The following TRMT44 variants were observed in gnomAD, a reference collection of about 807,000 sequenced individuals.
TRMT44 encodes tRNA methyltransferase 44 homolog.
In TRMT44, 78 loss-of-function variants were observed where a neutral mutation model predicts 77.3. That is an observed-to-expected ratio of 1.01 (90% confidence interval 0.84 to 1.22). The LOEUF is 1.22. TRMT44 is among the 50% of genes most tolerant of loss of function. The pLI, the probability that TRMT44 is intolerant of heterozygous loss-of-function variation, is 0.00. For missense variants in TRMT44, 1,090 were observed against 964.4 expected, an observed-to-expected ratio of 1.13 and a Z score of -1.73; for synonymous variants, 391 against 383.3, an observed-to-expected ratio of 1.02 and a Z score of -0.23.
At chr4:8,474,847 C>T (rs779351980) in intron 10 of TRMT44, among the ~76,000 whole-genome samples, 4 of 152,114 alleles carry the variant, frequency 2.6e-5, no homozygotes, top group Admixed American at 6.5e-5. Context: ...GCGGCGGGGT[C>T]AGGAGGCAGC....
chr4:8,483,212 G>C (rs1422098210), intron 2 of TRMT44, among the ~76,000 whole-genome samples: 1 of 152,216 alleles, frequency 6.6e-6, no homozygotes, highest in Non-Finnish European at 1.5e-5. Flanking sequence ...AGGAGATTCA[G>C]CATAGTCCTG....
At chr4:8,497,621 G>A (rs1329439748), downstream of TRMT44, among the ~76,000 whole-genome samples, 1 of 151,938 alleles carries the variant, frequency 6.6e-6, no homozygotes, top group African/African-American at 2.4e-5. Context: ...CTCCAGCCTG[G>A]GCGACACAGT....
chr4:8,462,290 A>G (rs1031984661), intron 6 of TRMT44, among the ~76,000 whole-genome samples: 1 of 152,212 alleles, frequency 6.6e-6, no homozygotes, highest in African/African-American at 2.4e-5. Flanking sequence ...GCATGCCTGT[A>G]ATCCTAGCTA....
chr4:8,516,539 G>A, the TRMT44 span, among the ~76,000 whole-genome samples: 48 of 152,298 alleles, frequency 3.2e-4, no homozygotes, highest in Non-Finnish European at 5.6e-4. Context: ...CAGCACTTTC[G>A]GAGGTCAAGG....
intron 2 of TRMT44, among the ~76,000 whole-genome samples, chr4:8,481,810 C>T (rs576898925): frequency 6.6e-6 from 1 of 152,240 alleles, no homozygotes; most frequent in Non-Finnish European, 1.5e-5. Context: ...GGGACTAGCA[C>T]ACCTAGGGCA....
chr4:8,449,061 A>G (rs966169771), intron 2 of TRMT44, among the ~76,000 whole-genome samples: 53 of 152,290 alleles, frequency 3.5e-4, no homozygotes, highest in African/African-American at 1.3e-3. Flanking sequence ...CCTCCCAAGG[A>G]TTGTGAGCTT....
chr4:8,442,139 C>G (rs1449670992), intron 1 of TRMT44, among the ~76,000 whole-genome samples: 2 of 152,218 alleles, frequency 1.3e-5, no homozygotes, highest in African/African-American at 4.8e-5. Flanking sequence ...ATAGGTAAGA[C>G]AGTAGGTCTC....
At chr4:8,483,813 TG>T (rs1727713608) in intron 2 of TRMT44, among the ~76,000 whole-genome samples, 1 of 152,184 alleles carries the variant, frequency 6.6e-6, no homozygotes, top group African/African-American at 2.4e-5. Flanking sequence ...ATGACTACGG[TG>T]GCCTTCTCAG....
At chr4:8,486,477 T>C (rs1432867036) in intron 2 of TRMT44, among the ~76,000 whole-genome samples, 1 of 152,172 alleles carries the variant, frequency 6.6e-6, no homozygotes, top group Non-Finnish European at 1.5e-5. Context: ...TTTTTATTTA[T>C]TGGATTTTAT....
intron 1 of TRMT44, among the ~76,000 whole-genome samples, chr4:8,442,696 C>T (rs1371866132): frequency 6.6e-6 from 1 of 152,194 alleles, no homozygotes; most frequent in Non-Finnish European, 1.5e-5. Flanking sequence ...TTATGTAGGA[C>T]TGGGGTCCTT....
At chr4:8,508,181 A>G in the TRMT44 span, among the ~76,000 whole-genome samples, 4 of 152,144 alleles carry the variant, frequency 2.6e-5, no homozygotes, top group East Asian at 3.9e-4. Context: ...TGCTGGGATT[A>G]CAGGCATGAG....
At chr4:8,499,036 G>A in the TRMT44 span, among the ~76,000 whole-genome samples, 1 of 151,976 alleles carries the variant, frequency 6.6e-6, no homozygotes, top group Non-Finnish European at 1.5e-5. Flanking sequence ...AGGTGCAGCA[G>A]GGGCAGATAC....
the TRMT44 span, among the ~76,000 whole-genome samples, chr4:8,513,253 G>A: frequency 6.6e-6 from 1 of 152,220 alleles, no homozygotes; most frequent in African/African-American, 2.4e-5. Context: ...AGAAGGCAAG[G>A]AAGAGCAAGT....
chr4:8,471,342 T>C, intron 10 of TRMT44, 142 bp downstream of exon 10: 1 of 585,540 alleles, frequency 1.7e-6, no homozygotes, highest in Non-Finnish European at 2.9e-6. Context: ...CACCCAGCTC[T>C]GACGTGGGTG....
chr4:8,451,956 T>A lies in TRMT44; in HGVS notation c.955-4T>A. The A allele has an allele frequency of 6.5e-7, 1 of 1,536,630 alleles. No individual in the cohort carries two copies. Among genetic ancestry groups the A allele is most frequent in the South Asian group, 1.2e-5 (1 of 84,054 alleles). On this transcript the variant is annotated splice_polypyrimidine_tract_variant and splice_region_variant and intron_variant, in intron 3 of 10. Transcript: ENST00000389737. This position sits in a 1 kb window ranked among gnomAD's most constrained non-coding sequence, Gnocchi z 4.1. The stretch of plus-strand genomic sequence containing the variant: ...ATTTATGTTTGCTCTTGAAACTGTT[T>A]TAGGTGTGGCCTGAAGTCACTGATC...
intron 2 of TRMT44, among the ~76,000 whole-genome samples, chr4:8,449,388 G>GA (rs1252096699): frequency 6.6e-6 from 1 of 152,264 alleles, no homozygotes; most frequent in Non-Finnish European, 1.5e-5. Flanking sequence ...CCTTGTGCAT[G>GA]AAGCAGCAGG....
chr4:8,462,433 G>A (rs921161708), intron 6 of TRMT44, among the ~76,000 whole-genome samples: 5 of 151,220 alleles, frequency 3.3e-5, no homozygotes, highest in African/African-American at 4.9e-5. Flanking sequence ...ACGGCTGGGC[G>A]TGGTGGCTCA....
At chr4:8,463,935 GCT>G in intron 6 of TRMT44, 48 bp from the exon 7 acceptor site, 2 of 1,513,588 alleles carry the variant, frequency 1.3e-6, no homozygotes, top group Non-Finnish European at 9.2e-7. Flanking sequence ...CCACGCAGTA[GCT>G]CTACAATGAT....
chr4:8,473,070 C>T (rs1191061459), intron 10 of TRMT44, among the ~76,000 whole-genome samples: 4 of 152,204 alleles, frequency 2.6e-5, no homozygotes. Context: ...TCCAGTCATG[C>T]GAAAACTATG....
Sources: gnomAD v4.1 joint callset for allele counts (sites outside exome capture counted in the v4.1 genomes callset) on GRCh38, gnomAD v4.1.1 for gene constraint, Gnocchi (gnomAD v3.1) non-coding constraint, MANE v1.5 for transcripts, NCBI Gene and HGNC (gene_info 2026-07-23, HGNC 2026-07-21) for gene names.